B3GALT1: variants seen among roughly 807,000 people sequenced by gnomAD.
The protein encoded by B3GALT1 is UDP-Gal:betaGlcNAc beta 1,3-galactosyltransferase, polypeptide 1.
A neutral mutation model predicts 23.2 loss-of-function variants in B3GALT1; 10 were observed. The ratio of observed to expected loss-of-function variants is 0.43; its 90% CI spans 0.27 to 0.73. The LOEUF (loss-of-function observed/expected upper bound fraction) is 0.73, where lower values mean the gene tolerates loss of function less well. Ranked by LOEUF, B3GALT1 falls within the 30% of genes least tolerant of loss-of-function variation. B3GALT1 has a pLI of 0.21. For missense variants in B3GALT1, 299 were observed against 405.4 expected (o/e 0.74, Z 2.25); for synonymous variants, 156 against 141.5 (o/e 1.10, Z -0.73).
Position 167,549,568 on chromosome 2 carries a change from A to G in B3GALT1, c.-410+59291A>G, listed in dbSNP as rs144692151. Among the ~76,000 whole-genome samples the G allele has an allele frequency of 3.0e-3, 462 of 152,328 alleles. 3 individuals are homozygous for G. The highest frequency in any genetic ancestry group is 0.01 in the African/African-American group (434 of 41,574). Reference sequence around the variant, plus strand: ...TCAATTCTTACCTACATCTTTATGAACACTGGCAGAAGTGGCTTACCTATA... The same window carrying G: ...TCAATTCTTACCTACATCTTTATGAGCACTGGCAGAAGTGGCTTACCTATA... On this transcript the variant is annotated intron_variant, in intron 2 of 4. Transcript: ENST00000392690.
intron 1 of B3GALT1, among the ~76,000 whole-genome samples, chr2:167,343,961 G>C (rs1340022811): frequency 6.6e-6 from 1 of 152,160 alleles, no homozygotes; most frequent in African/African-American, 2.4e-5. Flanking sequence ...GCTAAAGCTG[G>C]ATCACGGTTT....
At chr2:167,826,485 G>A (rs1274949680) in intron 4 of B3GALT1, among the ~76,000 whole-genome samples, 1 of 152,194 alleles carries the variant, frequency 6.6e-6, no homozygotes, top group Non-Finnish European at 1.5e-5. Context: ...TGCTCCCTAT[G>A]CCCCTGAGGA....
intron 1 of B3GALT1, among the ~76,000 whole-genome samples, chr2:167,380,612 A>G (rs1020721338): frequency 6.6e-6 from 1 of 152,120 alleles, no homozygotes; most frequent in Non-Finnish European, 1.5e-5. Flanking sequence ...CAGATTAAAA[A>G]TGGCATCCTG....
At chr2:167,389,347 A>G (rs1180085772) in intron 1 of B3GALT1, among the ~76,000 whole-genome samples, 1 of 152,202 alleles carries the variant, frequency 6.6e-6, no homozygotes, top group East Asian at 1.9e-4. Context: ...AAAAATGTCA[A>G]TGAATCAACC....
chr2:167,839,624 A>G (rs1428444441), intron 4 of B3GALT1, among the ~76,000 whole-genome samples: 1 of 152,286 alleles, frequency 6.6e-6, no homozygotes, highest in Non-Finnish European at 1.5e-5. Context: ...TTTAGATTCA[A>G]TGCCATCCCC....
intron 2 of B3GALT1, among the ~76,000 whole-genome samples, chr2:167,553,067 A>G (rs990945288): frequency 6.6e-6 from 1 of 152,194 alleles, no homozygotes; most frequent in Non-Finnish European, 1.5e-5. Context: ...TATTTATTGT[A>G]TCATCATCAT....
At chr2:167,563,871 T>C (rs1332332363) in intron 2 of B3GALT1, among the ~76,000 whole-genome samples, 435 of 113,966 alleles carry the variant, frequency 3.8e-3, no homozygotes, top group East Asian at 0.021. Flanking sequence ...GAGGCGCCCC[T>C]CATCTGCCGG....
At chr2:167,760,133 C>T (rs1043318161) in intron 3 of B3GALT1, among the ~76,000 whole-genome samples, 1 of 152,120 alleles carries the variant, frequency 6.6e-6, no homozygotes, top group African/African-American at 2.4e-5. Context: ...TACTGCCATA[C>T]TTAGTTTACT....
At chr2:167,444,059 T>A (rs1038848595) in intron 1 of B3GALT1, among the ~76,000 whole-genome samples, 2 of 152,242 alleles carry the variant, frequency 1.3e-5, no homozygotes, top group African/African-American at 2.4e-5. Flanking sequence ...CCTAATTTAC[T>A]GAGAGTTTTT....
At chr2:167,560,798 C>T (rs1418618468) in intron 2 of B3GALT1, among the ~76,000 whole-genome samples, 1 of 152,174 alleles carries the variant, frequency 6.6e-6, no homozygotes, top group East Asian at 1.9e-4. Flanking sequence ...GCACCCAGAT[C>T]CATAAAGCAA....
chr2:167,300,874 G>C (rs1696432809), intron 1 of B3GALT1, among the ~76,000 whole-genome samples: 1 of 152,146 alleles, frequency 6.6e-6, no homozygotes, highest in Non-Finnish European at 1.5e-5. Context: ...ACAACTTTAA[G>C]TTAAAAATAC....
chr2:167,591,467 T>TTA (rs1684678403), intron 2 of B3GALT1, among the ~76,000 whole-genome samples: 1 of 150,498 alleles, frequency 6.6e-6, no homozygotes, highest in African/African-American at 2.5e-5. Flanking sequence ...TTAATTAATT[T>TTA]ATTTATTTAT....
chr2:167,454,783 G>A (rs537376167), intron 1 of B3GALT1, among the ~76,000 whole-genome samples: 4 of 152,192 alleles, frequency 2.6e-5, no homozygotes, highest in East Asian at 1.9e-4. Context: ...GTAATACCAC[G>A]TTTTCATATG....
intron 3 of B3GALT1, chr2:167,715,740 G>C (rs1425886438): frequency 6.2e-7 from 1 of 1,612,964 alleles, no homozygotes; most frequent in Non-Finnish European, 8.5e-7. Flanking sequence ...AAAGATGACT[G>C]TACTTCATAG....
rs917814052 is a variant in B3GALT1 at position 167,766,368 on chromosome 2, A to G, written c.-351-52304A>G. On this transcript the variant is annotated intron_variant, in intron 3 of 4. Coordinates refer to ENST00000392690, the MANE Select transcript of B3GALT1 (RefSeq NM_020981.4). ...GAAATCGTAGCCACATAGGAAAATCACGTGTACTAGGGGACTCCAAAAAGT... is the reference window on the plus strand; with the variant it reads ...GAAATCGTAGCCACATAGGAAAATCGCGTGTACTAGGGGACTCCAAAAAGT... 2.6e-5 allele frequency among the ~76,000 whole-genome samples: 4 copies of G among 152,202 alleles called. 1 individual carries two copies. The highest frequency in any genetic ancestry group is 5.9e-5 in the Non-Finnish European group (4 of 68,044).
chr2:167,327,674 C>T lies in B3GALT1; in HGVS notation c.-511+34340C>T, dbSNP rs1574034538. ...AGATCATGTCATCTGCAAAGAAGGA[C>T]AGTTTGACTTCCTGTTCTCCCATGT... On this transcript the variant is annotated intron_variant, in intron 1 of 4. Coordinates refer to ENST00000392690, the MANE Select transcript of B3GALT1 (RefSeq NM_020981.4). 2.7e-5 allele frequency among the ~76,000 whole-genome samples: 4 copies of T among 150,616 alleles called. No individual in the cohort carries two copies. The South Asian group carries it at 8.3e-4, about 31-fold the overall frequency.
chr2:167,813,537 A>AATTG (rs1306205161), intron 3 of B3GALT1, among the ~76,000 whole-genome samples: 2 of 152,134 alleles, frequency 1.3e-5, no homozygotes, highest in Admixed American at 6.5e-5. Context: ...CTTTTTCATA[A>AATTG]ATTGATTGCC....
intron 3 of B3GALT1, among the ~76,000 whole-genome samples, chr2:167,752,516 GT>G (rs540744772): frequency 0.047 from 6,723 of 144,018 alleles, 210 homozygotes; most frequent in African/African-American, 0.078. Context: ...TACTCTATTT[GT>G]TTTTTTTTTT....
intron 3 of B3GALT1, among the ~76,000 whole-genome samples, chr2:167,795,960 C>T (rs1172416909): frequency 6.6e-6 from 1 of 152,182 alleles, no homozygotes; most frequent in East Asian, 1.9e-4. Flanking sequence ...CCTGGAACTG[C>T]CTTCACTAAA....
Sources: gnomAD v4.1 joint callset for allele counts (sites outside exome capture counted in the v4.1 genomes callset) on GRCh38, gnomAD v4.1.1 for gene constraint, MANE v1.5 for transcripts, NCBI Gene and HGNC (gene_info 2026-07-23, HGNC 2026-07-21) for gene names.